Variants in RAB36 observed in about 807,000 individuals in gnomAD.
RAB36 encodes the protein RAB36, member RAS oncogene family, also known as ras-related protein Rab-36.
A neutral mutation model predicts 39.3 loss-of-function variants in RAB36; 33 were observed. That is an observed-to-expected ratio of 0.84 (90% CI 0.64 to 1.12). The LOEUF is 1.12. Ranked by LOEUF, RAB36 falls within the 50% of genes most tolerant of loss-of-function variation. The pLI is 0.00. For synonymous variants in RAB36, 133 were observed against 140.2 expected (o/e 0.95, Z 0.36); for missense variants, 308 against 355.3 (o/e 0.87, Z 1.07).
rs1157489130 is a variant in RAB36 at position 23,161,527 on chromosome 22, A to G, written c.767A>G (p.Gln256Arg). ...ATGGAAGGGAGTCCGCCCGAGACCC[A>G]GGAGAGCAAGAGGCCCTCCAGCCTG... ...IQMEGSPPET[Q>R]ESKRPSSLGC... The change falls in exon 11 of 11, where the codon CAG becomes CGG. Residue 256 changes from glutamine to arginine, a missense_variant. Physicochemically the swap from Gln to Arg is conservative, Grantham distance 43. Coordinates refer to ENST00000263116, the MANE Select transcript of RAB36 (RefSeq NM_004914.5). 1.2e-6 allele frequency: 2 copies of G among 1,612,820 alleles called. No homozygotes were observed. The highest frequency in any genetic ancestry group is 1.7e-5 in the Admixed American group (1 of 59,998).
chr22:23,150,491 C>T (rs369283939), intron 3 of RAB36, among the ~76,000 whole-genome samples: 4 of 151,806 alleles, frequency 2.6e-5, no homozygotes, highest in Admixed American at 2.0e-4. Flanking sequence ...TTAGTAGAGA[C>T]GGGGTTTCAC....
At chr22:23,145,927 C>G in intron 1 of RAB36, 1 of 969,712 alleles carries the variant, frequency 1.0e-6, no homozygotes, top group Non-Finnish European at 1.2e-6. Flanking sequence ...GTTAAGGCCC[C>G]CAGGCCCACC....
downstream of RAB36, among the ~76,000 whole-genome samples, chr22:23,167,710 T>A (rs76584344): frequency 0.032 from 4,879 of 151,868 alleles, 169 homozygotes; most frequent in African/African-American, 0.084. Context: ...TTAATTAATT[T>A]ATTTTTTTTT....
intron 2 of RAB36, among the ~76,000 whole-genome samples, chr22:23,148,737 C>T (rs918900487): frequency 1.3e-5 from 2 of 152,216 alleles, no homozygotes; most frequent in African/African-American, 4.8e-5. Flanking sequence ...AATCAGCTCA[C>T]ACTTCTTACC....
At chr22:23,152,895 C>T (rs1290597263) in intron 4 of RAB36, 138 bp from the exon 5 acceptor site, 9 of 677,192 alleles carry the variant, frequency 1.3e-5, no homozygotes, top group Non-Finnish European at 2.1e-5. Context: ...CTGCCCTGCC[C>T]ACCCATGGCC....
intron 2 of RAB36, 135 bp from the exon 3 acceptor site, chr22:23,149,928 G>C: frequency 1.4e-6 from 1 of 712,534 alleles, no homozygotes; most frequent in South Asian, 1.6e-5. Context: ...AAATGGGTCA[G>C]GGAAAGCTAA....
At position 23,161,574 on chromosome 22, in the gene RAB36, G is replaced by T; in HGVS notation, c.*10G>T. ...CCTGGGCTGCTGCTAACTGGGGCCT[G>T]CGTGGAAGGCCTCCGCTCCCTGCAC... On this transcript the variant is annotated 3_prime_UTR_variant, in exon 11 of 11. Transcript: ENST00000263116. The T allele has an allele frequency of 6.3e-7, 1 of 1,597,030 alleles. No individual in the cohort carries two copies. The highest frequency in any genetic ancestry group is 1.1e-5 in the South Asian group (1 of 89,646).
chr22:23,149,881 G>A (rs1199607930), intron 2 of RAB36, among the ~76,000 whole-genome samples, 182 bp from the exon 3 acceptor site: 2 of 152,238 alleles, frequency 1.3e-5, no homozygotes, highest in African/African-American at 4.8e-5. Context: ...CAAGGCCCCA[G>A]AGCCTCAAGG....
intron 2 of RAB36, among the ~76,000 whole-genome samples, chr22:23,149,366 G>T (rs1483859351): frequency 6.6e-6 from 1 of 152,196 alleles, no homozygotes; most frequent in Non-Finnish European, 1.5e-5. Flanking sequence ...TCTAATTACA[G>T]ACCAGGTGAG....
intron 2 of RAB36, among the ~76,000 whole-genome samples, chr22:23,148,829 T>C (rs1233479791): frequency 6.6e-6 from 1 of 152,320 alleles, no homozygotes; most frequent in African/African-American, 2.4e-5. Flanking sequence ...AAAGCTGTCA[T>C]GGAAGCTGAC....
chr22:23,151,992 A>C (rs552969235), intron 3 of RAB36, among the ~76,000 whole-genome samples: 15 of 152,308 alleles, frequency 9.8e-5, no homozygotes, highest in Admixed American at 2.6e-4. Context: ...CGGAGCCCAC[A>C]TCGGCGCACA....
intron 1 of RAB36, among the ~76,000 whole-genome samples, chr22:23,146,362 A>G (rs2070769531): frequency 6.7e-6 from 1 of 148,634 alleles, no homozygotes; most frequent in South Asian, 2.2e-4. Flanking sequence ...ACAGGCCACC[A>G]TGCCCTGCTA....
intron 6 of RAB36, 100 bp from the exon 7 acceptor site, chr22:23,157,892 G>A (rs1280554594): frequency 3.2e-6 from 5 of 1,583,030 alleles, no homozygotes; most frequent in African/African-American, 2.7e-5. Context: ...TGGTTGGGGG[G>A]CTGCCCTGGC....
At chr22:23,159,351 G>C (rs753822204) in intron 9 of RAB36, 98 bp downstream of exon 9, 11 of 1,207,642 alleles carry the variant, frequency 9.1e-6, no homozygotes, top group Non-Finnish European at 1.2e-5. Flanking sequence ...GTAGCCAGTC[G>C]TCTGTTCCCT....
intron 9 of RAB36, among the ~76,000 whole-genome samples, chr22:23,159,545 C>G (rs2071658678): frequency 6.6e-6 from 1 of 152,216 alleles, no homozygotes; most frequent in Non-Finnish European, 1.5e-5. Flanking sequence ...ACCGGAGAAC[C>G]CCATAACTAC....
rs1164443768 is a variant in RAB36 at position 23,158,014 on chromosome 22, C to T, written c.417C>T (p.Leu139=). The change falls in exon 7 of 11, where the codon CTC becomes CTT. Residue 139 remains leucine (L), a synonymous_variant. Coordinates refer to ENST00000263116, the MANE Select transcript of RAB36 (RefSeq NM_004914.5). ...GAQVIITAFD[L]TDVQTLEHTR... is the part of the protein sequence containing the mutation. ...TAGTGATCATCACGGCCTTTGACCT[C>T]ACTGACGTGCAGACCCTGGAGCATA... 5 of 1,614,208 alleles carry T rather than the reference C, an allele frequency of 3.1e-6. No individual in the cohort carries two copies. Among genetic ancestry groups the T allele is most frequent in the East Asian group, 4.5e-5 (2 of 44,878 alleles).
At chr22:23,145,427 CG>C (rs1569201438), upstream of RAB36, 1 of 1,610,744 alleles carries the variant, frequency 6.2e-7, no homozygotes, top group African/African-American at 1.3e-5. Flanking sequence ...ACGCAGACCC[CG>C]CCCACGACGT....
chr22:23,152,664 G>A, intron 4 of RAB36, 138 bp downstream of exon 4: 2 of 846,202 alleles, frequency 2.4e-6, no homozygotes, highest in South Asian at 3.1e-5. Flanking sequence ...CCTGCTGGGA[G>A]CCGGATAAGA....
intron 3 of RAB36, among the ~76,000 whole-genome samples, chr22:23,150,907 C>G (rs942787978): frequency 2.1e-4 from 32 of 152,328 alleles, no homozygotes; most frequent in African/African-American, 7.7e-4. Context: ...GGCTGGATTC[C>G]TCACTAGACC....
Sources: gnomAD v4.1 joint callset for allele counts (sites outside exome capture counted in the v4.1 genomes callset) on GRCh38, gnomAD v4.1.1 for gene constraint, MANE v1.5 for transcripts, NCBI Gene and HGNC (gene_info 2026-07-23, HGNC 2026-07-21) for gene names.